Variants in CERS4 observed in about 807,000 individuals in gnomAD.
CERS4 encodes the protein LAG1 homolog, ceramide synthase 4.
CERS4 carries 65 observed loss-of-function variants against 51.8 expected under a neutral mutation model. That is an observed-to-expected ratio of 1.26 (90% CI 1.03 to 1.54). CERS4 has a LOEUF of 1.54. Among genes scored for constraint, CERS4 ranks in the 40% most tolerant of loss-of-function variants. The probability of loss-of-function intolerance (pLI) is 0.00; values close to 1 mark genes in which losing one functional copy is unlikely to be tolerated. For synonymous variants in CERS4, 228 were observed against 208.4 expected (o/e 1.09, Z -0.81); for missense variants, 563 against 500.4 (o/e 1.13, Z -1.19).
Position 8,257,905 on chromosome 19 carries a change from G to T in CERS4, c.768G>T (p.Gln256His). 1 of 1,613,870 alleles carries T rather than the reference G, an allele frequency of 6.2e-7. No homozygotes were observed. Among genetic ancestry groups the T allele is most frequent in the Non-Finnish European group, 8.5e-7 (1 of 1,179,960 alleles). Residue 256 changes from glutamine to histidine, a missense_variant, in exon 10 of 12, where the codon CAG becomes CAT. Coordinates refer to ENST00000251363, the MANE Select transcript of CERS4 (RefSeq NM_024552.3). ...LEACKMVNYM[Q>H]YQQVCDALFL... is the part of the protein sequence containing the mutation. ...CCTGTAAGATGGTCAACTACATGCA[G>T]TATCAGCAAGTGTGCGACGCTCTCT...
At chr19:8,238,506 G>A (rs565834979) in intron 2 of CERS4, 1 of 985,370 alleles carries the variant, frequency 1.0e-6, no homozygotes, top group African/African-American at 1.7e-5. Flanking sequence ...GCATGGGGCT[G>A]AGGTAACCAG....
At chr19:8,232,394 G>T (rs1304870618) in intron 2 of CERS4, among the ~76,000 whole-genome samples, 3 of 151,636 alleles carry the variant, frequency 2.0e-5, no homozygotes, top group South Asian at 2.1e-4. Flanking sequence ...AGGTTTAAGC[G>T]ATTCTCCTGC....
intron 2 of CERS4, among the ~76,000 whole-genome samples, chr19:8,250,255 A>G (rs997860291): frequency 3.9e-5 from 6 of 152,160 alleles, no homozygotes; most frequent in African/African-American, 1.4e-4. Flanking sequence ...GATTACAGGC[A>G]TGAGCCATGG....
chr19:8,252,161 G>A (rs1178011003), intron 3 of CERS4, among the ~76,000 whole-genome samples: 1 of 151,894 alleles, frequency 6.6e-6, no homozygotes, highest in Admixed American at 6.6e-5. Context: ...ATGATGTCAG[G>A]AGTTCAAGAC....
chr19:8,221,115 G>A (rs1196275132), intron 2 of CERS4, among the ~76,000 whole-genome samples: 1 of 151,420 alleles, frequency 6.6e-6, no homozygotes, highest in Non-Finnish European at 1.5e-5. Flanking sequence ...GTGAGCCACT[G>A]TGCCCGGCCT....
chr19:8,231,368 C>T (rs1967995994), intron 2 of CERS4, among the ~76,000 whole-genome samples: 2 of 152,152 alleles, frequency 1.3e-5, no homozygotes, highest in South Asian at 4.1e-4. Context: ...GTTAACCTGG[C>T]TGGACTCAGA....
intron 2 of CERS4, among the ~76,000 whole-genome samples, chr19:8,217,043 G>A (rs1441789536): frequency 6.6e-6 from 1 of 152,064 alleles, no homozygotes; most frequent in African/African-American, 2.4e-5. Flanking sequence ...GGAGCTGGGG[G>A]CCAATCTGAG....
chr19:8,215,478 CAAAAA>C (rs571513195), intron 2 of CERS4, among the ~76,000 whole-genome samples: 48 of 128,528 alleles, frequency 3.7e-4, no homozygotes, highest in African/African-American at 1.4e-3. Context: ...GACTCTGTCT[CAAAAA>C]AAAAAAAACA....
chr19:8,245,118 A>AAAAAAAAC (rs1568523391), intron 2 of CERS4, among the ~76,000 whole-genome samples: 1 of 124,098 alleles, frequency 8.1e-6, no homozygotes, highest in African/African-American at 2.8e-5. Context: ...TCTCAAAAAA[A>AAAAAAAAC]AAAAAAAAAA....
intron 2 of CERS4, among the ~76,000 whole-genome samples, chr19:8,249,112 G>A (rs1442478897): frequency 6.6e-6 from 1 of 150,618 alleles, no homozygotes; most frequent in African/African-American, 2.5e-5. Flanking sequence ...ACAGATGGAT[G>A]ATGGGTAGAT....
chr19:8,255,792 C>T (rs1016363550), intron 5 of CERS4, 30 bp from the exon 6 acceptor site: 11 of 1,613,386 alleles, frequency 6.8e-6, no homozygotes, highest in African/African-American at 4.0e-5. Context: ...CGGGTGTCTG[C>T]TATTTTCACA....
chr19:8,259,138 T>TA (rs571478547), intron 10 of CERS4, among the ~76,000 whole-genome samples: 9 of 151,326 alleles, frequency 5.9e-5, no homozygotes, highest in East Asian at 2.0e-4. Flanking sequence ...TGTCTCTAAA[T>TA]AAAAAAAAGT....
intron 2 of CERS4, among the ~76,000 whole-genome samples, chr19:8,213,016 TCTTTTCTTTG>T (rs1174338008): frequency 6.6e-6 from 1 of 151,666 alleles, no homozygotes; most frequent in Non-Finnish European, 1.5e-5. Context: ...CAGTACAAGC[TCTTTTCTTTG>T]CTTTTCTTTC....
At chr19:8,216,948 T>C (rs1335527528) in intron 2 of CERS4, among the ~76,000 whole-genome samples, 2 of 152,104 alleles carry the variant, frequency 1.3e-5, no homozygotes. Context: ...CATGCCTCAC[T>C]TTCCCCAGTT....
chr19:8,227,096 C>G (rs557886008), intron 2 of CERS4, among the ~76,000 whole-genome samples: 6 of 152,072 alleles, frequency 3.9e-5, no homozygotes, highest in Non-Finnish European at 8.8e-5. Flanking sequence ...CCATTGCACT[C>G]CAGCCTGGGC....
At chr19:8,254,708 C>T (rs906322446) in intron 4 of CERS4, 92 bp downstream of exon 4, 8 of 1,158,310 alleles carry the variant, frequency 6.9e-6, no homozygotes, top group Non-Finnish European at 1.0e-5. Flanking sequence ...GCAGGAGAAG[C>T]CAAGGTGGCT....
intron 2 of CERS4, among the ~76,000 whole-genome samples, chr19:8,232,889 A>ATTTTTTTTTT (rs34774744): frequency 3.4e-5 from 2 of 59,172 alleles, no homozygotes; most frequent in African/African-American, 1.3e-4. Flanking sequence ...TGCCTCGCTG[A>ATTTTTTTTTT]TTTTTTTTTT....
intron 3 of CERS4, 40 bp downstream of exon 3, chr19:8,251,289 C>T (rs373542284): frequency 1.2e-5 from 18 of 1,538,894 alleles, no homozygotes; most frequent in Middle Eastern, 1.8e-4. Context: ...CCCCCGCAGT[C>T]GCTCCAGTAT....
At chr19:8,249,769 T>G (rs957998109) in intron 2 of CERS4, among the ~76,000 whole-genome samples, 10 of 151,456 alleles carry the variant, frequency 6.6e-5, no homozygotes, top group Non-Finnish European at 1.3e-4. Context: ...TTTTGTATTT[T>G]TAGTAGAGAC....
Sources: allele counts gnomAD v4.1 joint callset (sites outside exome capture counted in the v4.1 genomes callset), GRCh38; gene constraint gnomAD v4.1.1; transcripts MANE v1.5; gene names NCBI Gene and HGNC (gene_info 2026-07-23, HGNC 2026-07-21).